Variants in SLC9A7 observed in about 807,000 individuals in gnomAD.
SLC9A7 encodes sodium/hydrogen exchanger 7.
In SLC9A7, 19 loss-of-function variants were observed where a neutral mutation model predicts 52.6. The observed-to-expected ratio is 0.36, with a 90% CI of 0.25 to 0.53. The LOEUF (loss-of-function observed/expected upper bound fraction) is 0.53, where lower values mean the gene tolerates loss of function less well. Among genes scored for constraint, SLC9A7 ranks in the 20% least tolerant of loss-of-function variants. The probability of loss-of-function intolerance (pLI) is 0.91; values close to 1 mark genes in which losing one functional copy is unlikely to be tolerated. For synonymous variants in SLC9A7, 226 were observed against 252.1 expected, an observed-to-expected ratio of 0.90 and a Z score of 0.98; for missense variants, 455 against 597.9, an observed-to-expected ratio of 0.76 and a Z score of 2.49.
intron 7 of SLC9A7, among the ~76,000 whole-genome samples, chrX:46,656,103 C>T (rs1475025741): frequency 1.4e-4 from 16 of 111,343 alleles, no homozygotes; most frequent in Non-Finnish European, 2.5e-4. Context: ...CACCCCCCAG[C>T]AGGGGCAGAC....
At chrX:46,630,020 A>G (rs1465227633) in intron 14 of SLC9A7, among the ~76,000 whole-genome samples, 1 of 111,963 alleles carries the variant, frequency 8.9e-6, no homozygotes, top group Non-Finnish European at 1.9e-5. Context: ...GAGCTCATTA[A>G]AGTGGGTGCC....
chrX:46,607,494 T>C (rs1465165376), intron 16 of SLC9A7, among the ~76,000 whole-genome samples: 3 of 111,542 alleles, frequency 2.7e-5, no homozygotes, highest in African/African-American at 9.8e-5. Context: ...AGCTTCCCAA[T>C]CAACACACAA....
In SLC9A7 at chrX:46,682,340, C is replaced by T. The variant is rs767024706; in HGVS notation, c.521G>A (p.Arg174Gln). Residue 174 changes from arginine (R) to glutamine (Q), a missense_variant, in exon 2 of 17, where the codon CGG becomes CAG. Physicochemically the swap from Arg to Gln is conservative, Grantham distance 43 (BLOSUM62 1). Transcript: ENST00000616978. ...INSVEQNDMLRKVTFDPEVFF... is the reference protein window; with the variant it reads ...INSVEQNDMLQKVTFDPEVFF... ...GGCTGAGTGTCCCCAGCTCACCTTC[C>T]GTAGCATATCATTCTGCTCTACGCT... 2.5e-6 allele frequency: 3 copies of T among 1,210,447 alleles called. No homozygotes were observed. Among genetic ancestry groups the T allele is most frequent in the Admixed American group, 2.2e-5 (1 of 46,030 alleles).
chrX:46,731,872 C>T (rs1945047258), intron 1 of SLC9A7, among the ~76,000 whole-genome samples: 1 of 110,991 alleles, frequency 9.0e-6, no homozygotes, highest in African/African-American at 3.3e-5. Context: ...ATACGAATGG[C>T]CCTTAAAACT....
intron 16 of SLC9A7, among the ~76,000 whole-genome samples, chrX:46,612,897 C>T (rs890460729): frequency 2.4e-5 from 2 of 84,270 alleles, no homozygotes; most frequent in East Asian, 8.0e-4. Context: ...TGCACTCCAG[C>T]CTGGGCGACA....
intron 1 of SLC9A7, among the ~76,000 whole-genome samples, chrX:46,697,274 T>C (rs1230507172): frequency 8.9e-6 from 1 of 112,173 alleles, no homozygotes; most frequent in Non-Finnish European, 1.9e-5. Context: ...ATAAAATGTG[T>C]TGTATTATCA....
intron 14 of SLC9A7, among the ~76,000 whole-genome samples, chrX:46,629,033 C>T (rs959227553): frequency 8.9e-6 from 1 of 112,244 alleles, no homozygotes; most frequent in African/African-American, 3.2e-5. Context: ...ATGTTTTTCC[C>T]CATATGACAG....
chrX:46,622,224 T>C (rs752371600), intron 14 of SLC9A7, among the ~76,000 whole-genome samples: 10 of 111,132 alleles, frequency 9.0e-5, no homozygotes, highest in Non-Finnish European at 1.7e-4. Context: ...GATGAGGAAA[T>C]ATAAACAAGG....
At chrX:46,745,449 A>G (rs1921670192) in intron 1 of SLC9A7, among the ~76,000 whole-genome samples, 2 of 112,200 alleles carry the variant, frequency 1.8e-5, no homozygotes, top group South Asian at 7.4e-4. Flanking sequence ...TGGGAGGAAA[A>G]GTATGGGCCA....
intron 10 of SLC9A7, among the ~76,000 whole-genome samples, chrX:46,650,259 G>A (rs1009834361): frequency 6.3e-5 from 7 of 111,319 alleles, no homozygotes; most frequent in Middle Eastern, 4.6e-3. Context: ...AGGGGACTGC[G>A]CTCAGTATCT....
chrX:46,682,663 AT>A, intron 1 of SLC9A7, 128 bp from the exon 2 acceptor site: 1 of 575,357 alleles, frequency 1.7e-6, no homozygotes, highest in Non-Finnish European at 2.8e-6. Flanking sequence ...TGGGGTATGT[AT>A]TTTAGGAGAA....
rs1315683837 is a variant in SLC9A7 at position 46,663,638 on chromosome X, CAAAAAAAA to C, written c.794-1003_794-996del. On this transcript the variant is annotated intron_variant, in intron 5 of 16. Coordinates refer to ENST00000616978, the MANE Select transcript of SLC9A7 (RefSeq NM_001257291.2). ...GGGCAACAAGAGTGAAACTCCATCT[CAAAAAAAA>C]AAAAAAAAAAAAGGAAAGAAAGAAA... is the stretch of plus-strand genomic sequence containing the variant. Among the ~76,000 whole-genome samples, 9 of 24,596 alleles carry C rather than the reference CAAAAAAAA, an allele frequency of 3.7e-4. No individual in the cohort carries two copies. In the East Asian group the frequency reaches 0.014, roughly 38 times the overall value. The allele number at this position is 24,596 out of a possible 115,157, so 21.4% of individuals were successfully genotyped here.
At position 46,631,595 on chromosome X, in the gene SLC9A7, G is replaced by C. The variant is rs1239175357; in HGVS notation, c.1731C>G (p.Val577=). 3.3e-6 allele frequency: 4 copies of C among 1,207,474 alleles called. No individual in the cohort carries two copies. Among genetic ancestry groups the C allele is most frequent in the Non-Finnish European group, 4.5e-6 (4 of 892,982 alleles). Residue 577 remains valine (V), a synonymous_variant, in exon 14 of 17, where the codon GTC becomes GTG. Coordinates refer to ENST00000616978, the MANE Select transcript of SLC9A7 (RefSeq NM_001257291.2). ...ATCTCTTGTGACTTACCCCTTGTAA[G>C]ACTTGAAAGCTGTCGTTGTTGGGTG... ...DPPPNNDSFQ[V]LQGDGPDSAR... is the part of the protein sequence containing the mutation.
At chrX:46,631,199 G>A (rs1170517639) in intron 14 of SLC9A7, among the ~76,000 whole-genome samples, 1 of 112,596 alleles carries the variant, frequency 8.9e-6, no homozygotes, top group East Asian at 2.8e-4. Flanking sequence ...GGCACCTGAT[G>A]TCTCTCCTTT....
At chrX:46,670,252 G>A (rs993307471) in intron 4 of SLC9A7, among the ~76,000 whole-genome samples, 8 of 112,167 alleles carry the variant, frequency 7.1e-5, no homozygotes, top group Non-Finnish European at 1.1e-4. Flanking sequence ...ATCTTTAAAT[G>A]TCCTATTAGA....
intron 1 of SLC9A7, among the ~76,000 whole-genome samples, chrX:46,707,437 C>T (rs1032574315): frequency 7.2e-5 from 8 of 111,710 alleles, no homozygotes; most frequent in Middle Eastern, 4.6e-3. Flanking sequence ...CCAAAAAGCC[C>T]GCGTCACTAG....
chrX:46,613,421 G>T, intron 15 of SLC9A7, 27 bp from the exon 16 acceptor site: 1 of 1,078,931 alleles, frequency 9.3e-7, no homozygotes, highest in Non-Finnish European at 1.3e-6. Flanking sequence ...AAGGAAAAAT[G>T]GCTGCAAAGA....
At chrX:46,711,900 A>T (rs12687218) in intron 1 of SLC9A7, among the ~76,000 whole-genome samples, 32 of 656 alleles carry the variant, frequency 0.049, no homozygotes, top group Non-Finnish European at 0.11. Flanking sequence ...CCTCTAAATT[A>T]CACACACACA....
chrX:46,725,597 C>A, intron 1 of SLC9A7: 1 of 1,036,110 alleles, frequency 9.7e-7, no homozygotes, highest in Non-Finnish European at 1.4e-6. Context: ...GCTGCTCATA[C>A]ATCCACTTTT....
Sources: gnomAD v4.1 joint callset for allele counts (sites outside exome capture counted in the v4.1 genomes callset) on GRCh38, gnomAD v4.1.1 for gene constraint, MANE v1.5 for transcripts, NCBI Gene and HGNC (gene_info 2026-07-23, HGNC 2026-07-21) for gene names.